LRRC28: variants seen among roughly 807,000 people sequenced by gnomAD.
LRRC28 encodes the protein leucine-rich repeat-containing protein 28.
In LRRC28, 39 loss-of-function variants were observed where a neutral mutation model predicts 45.7. The observed-to-expected ratio is 0.85, with a 90% confidence interval of 0.66 to 1.12. The LOEUF is 1.12. Ranked by LOEUF, LRRC28 falls within the 50% of genes most tolerant of loss-of-function variation. The pLI is 0.00. For missense variants in LRRC28, 435 were observed against 438.5 expected, an observed-to-expected ratio of 0.99 and a Z score of 0.07; for synonymous variants, 206 against 178.8, an observed-to-expected ratio of 1.15 and a Z score of -1.22.
chr15:99,259,462 G>A, intron 2 of LRRC28: 2 of 1,219,778 alleles, frequency 1.6e-6, no homozygotes, highest in South Asian at 2.4e-5. Flanking sequence ...AAGAATTTGA[G>A]CCTCTGCCCA....
chr15:99,286,456 T>C (rs949842398), intron 3 of LRRC28, among the ~76,000 whole-genome samples: 5 of 152,196 alleles, frequency 3.3e-5, no homozygotes, highest in African/African-American at 9.7e-5. Context: ...TAAAGTACAA[T>C]AAATAAAACC....
intron 9 of LRRC28, among the ~76,000 whole-genome samples, chr15:99,379,752 A>G (rs1329346803): frequency 6.6e-6 from 1 of 152,114 alleles, no homozygotes; most frequent in Non-Finnish European, 1.5e-5. Context: ...CTTTGTTCCC[A>G]TTGGTTTCAA....
intron 5 of LRRC28, among the ~76,000 whole-genome samples, chr15:99,308,262 T>C (rs1245084096): frequency 6.6e-6 from 1 of 152,162 alleles, no homozygotes; most frequent in East Asian, 1.9e-4. Flanking sequence ...ATCGAGACAA[T>C]GCTAGGTCTT....
chr15:99,363,793 C>G (rs1957270841), intron 9 of LRRC28, among the ~76,000 whole-genome samples: 1 of 152,196 alleles, frequency 6.6e-6, no homozygotes, highest in Non-Finnish European at 1.5e-5. Flanking sequence ...AGAATGTTCA[C>G]TAAGTAAAAC....
rs1958142943 is a variant in LRRC28 at position 99,390,164 on chromosome 15, C to G, written c.*4062C>G. ...CACTGTGCCTACAGTGAGGAGCTAC[C>G]TCCTTGTGTCATCAGCTAATAGATC... On this transcript the variant is annotated 3_prime_UTR_variant, in exon 10 of 10. Coordinates refer to ENST00000301981, the MANE Select transcript of LRRC28 (RefSeq NM_144598.5). 6.6e-6 allele frequency: 1 copy of G among 152,230 alleles called. No homozygotes were observed. The highest frequency in any genetic ancestry group is 6.5e-5 in the Admixed American group (1 of 15,282). 9.4% of individuals were successfully genotyped at this position (152,230 alleles called of 1,614,324 possible). A position where few individuals can be genotyped will look rare whatever the true frequency, so the allele number is the denominator to read the frequency against.
At chr15:99,297,611 T>C (rs2082299444) in intron 5 of LRRC28, among the ~76,000 whole-genome samples, 1 of 151,500 alleles carries the variant, frequency 6.6e-6, no homozygotes. Context: ...AATTGTAACT[T>C]TGTAATGGAT....
At chr15:99,300,318 G>T (rs1407937971) in intron 5 of LRRC28, among the ~76,000 whole-genome samples, 1 of 149,838 alleles carries the variant, frequency 6.7e-6, no homozygotes, top group Non-Finnish European at 1.5e-5. Flanking sequence ...GTAATGTAAA[G>T]TCTTAGAATT....
At chr15:99,345,789 A>G (rs1956660728) in intron 6 of LRRC28, among the ~76,000 whole-genome samples, 1 of 152,222 alleles carries the variant, frequency 6.6e-6, no homozygotes, top group African/African-American at 2.4e-5. Flanking sequence ...TTTAAATATC[A>G]CAATTTTTTT....
chr15:99,267,366 G>GCATC (rs1337109319), intron 2 of LRRC28, among the ~76,000 whole-genome samples: 1 of 152,152 alleles, frequency 6.6e-6, no homozygotes, highest in African/African-American at 2.4e-5. Flanking sequence ...GCCTAAAAGA[G>GCATC]CATCATACAG....
chr15:99,330,541 T>C (rs1399699350), intron 5 of LRRC28, among the ~76,000 whole-genome samples: 1 of 152,208 alleles, frequency 6.6e-6, no homozygotes, highest in Non-Finnish European at 1.5e-5. Flanking sequence ...GATATGAATA[T>C]AGCTGCTCTC....
At chr15:99,350,253 A>G (rs576924853) in intron 6 of LRRC28, among the ~76,000 whole-genome samples, 1 of 152,304 alleles carries the variant, frequency 6.6e-6, no homozygotes, top group South Asian at 2.1e-4. Flanking sequence ...CCTATGGGGA[A>G]GCAGATGCTC....
intron 5 of LRRC28, among the ~76,000 whole-genome samples, chr15:99,326,254 G>A (rs1955972212): frequency 6.6e-6 from 1 of 152,132 alleles, no homozygotes; most frequent in Admixed American, 6.5e-5. Flanking sequence ...GTTTTAAAAG[G>A]TATACTTTCT....
At chr15:99,366,040 A>G (rs192605477) in intron 9 of LRRC28, among the ~76,000 whole-genome samples, 1 of 152,366 alleles carries the variant, frequency 6.6e-6, no homozygotes, top group East Asian at 1.9e-4. Flanking sequence ...TACAAGTTCC[A>G]TATTTCCCAG....
chr15:99,300,592 C>T (rs1212680123), intron 5 of LRRC28, among the ~76,000 whole-genome samples: 2 of 152,072 alleles, frequency 1.3e-5, no homozygotes, highest in African/African-American at 2.4e-5. Context: ...TTTGGGAGGC[C>T]GATGTGGGTG....
chr15:99,290,151 T>C (rs558611821), intron 5 of LRRC28, among the ~76,000 whole-genome samples: 2 of 151,078 alleles, frequency 1.3e-5, no homozygotes, highest in Admixed American at 1.3e-4. Context: ...TTCAGCTACT[T>C]GGGAGGCTGA....
intron 6 of LRRC28, among the ~76,000 whole-genome samples, chr15:99,341,893 T>A (rs1956526097): frequency 1.3e-5 from 2 of 152,154 alleles, no homozygotes; most frequent in African/African-American, 4.8e-5. Flanking sequence ...GGAGTCTCCA[T>A]CAGTCATAGC....
intron 5 of LRRC28, among the ~76,000 whole-genome samples, chr15:99,330,419 C>T (rs1284702588): frequency 1.3e-5 from 2 of 152,006 alleles, no homozygotes; most frequent in African/African-American, 4.8e-5. Flanking sequence ...GTTAGGCTCT[C>T]GTTACATGTC....
At chr15:99,269,888 A>T (rs1047333538) in intron 2 of LRRC28, among the ~76,000 whole-genome samples, 11 of 152,188 alleles carry the variant, frequency 7.2e-5, no homozygotes, top group African/African-American at 2.4e-4. Context: ...GAGTCAAGAG[A>T]CAAAGGTAAT....
chr15:99,298,216 T>A (rs921883155), intron 5 of LRRC28, among the ~76,000 whole-genome samples: 2 of 152,224 alleles, frequency 1.3e-5, no homozygotes, highest in African/African-American at 4.8e-5. Flanking sequence ...TCACTTCACA[T>A]GCAGTACTTC....
Sources: allele counts gnomAD v4.1 joint callset (sites outside exome capture counted in the v4.1 genomes callset), GRCh38; gene constraint gnomAD v4.1.1; transcripts MANE v1.5; gene names NCBI Gene and HGNC (gene_info 2026-07-23, HGNC 2026-07-21).